CDC123: variants seen among roughly 807,000 people sequenced by gnomAD.
CDC123 encodes cell division cycle 123, also known as translation initiation factor eIF2 assembly protein.
In CDC123, 37 loss-of-function variants were observed where a neutral mutation model predicts 54.4. The observed-to-expected ratio is 0.68, with a 90% confidence interval of 0.52 to 0.89. The LOEUF (loss-of-function observed/expected upper bound fraction) is 0.89. Among genes scored for constraint, CDC123 ranks in the 40% least tolerant of loss-of-function variants. The pLI is 0.00. For missense variants in CDC123, 361 were observed against 412.1 expected, an observed-to-expected ratio of 0.88 and a Z score of 1.07; for synonymous variants, 144 against 136.8, an observed-to-expected ratio of 1.05 and a Z score of -0.37.
intron 6 of CDC123, among the ~76,000 whole-genome samples, chr10:12,220,530 G>T (rs1252579203): frequency 6.6e-6 from 1 of 152,246 alleles, no homozygotes; most frequent in Non-Finnish European, 1.5e-5. Context: ...TTAGCTGGGC[G>T]CTACTAACGT....
At chr10:12,225,563 A>G (rs1450778102) in intron 6 of CDC123, among the ~76,000 whole-genome samples, 1 of 152,094 alleles carries the variant, frequency 6.6e-6, no homozygotes, top group Non-Finnish European at 1.5e-5. Flanking sequence ...TTCAGCGTGC[A>G]GTAAGTAGTT....
intron 2 of CDC123, among the ~76,000 whole-genome samples, chr10:12,204,141 G>A (rs1835482582): frequency 6.6e-6 from 1 of 151,320 alleles, no homozygotes; most frequent in Non-Finnish European, 1.5e-5. Flanking sequence ...TAATGTATTT[G>A]GGGTTTAATT....
At chr10:12,230,917 G>A (rs1385882874) in intron 6 of CDC123, 31 bp from the exon 7 acceptor site, 1 of 1,606,386 alleles carries the variant, frequency 6.2e-7, no homozygotes, top group Admixed American at 1.7e-5. Context: ...GTAACAAAAA[G>A]ATTCAGTTGC....
Position 12,231,574 on chromosome 10 carries a change from G to A in CDC123, c.489+578G>A, listed in dbSNP as rs188474187. Among the ~76,000 whole-genome samples the A allele has an allele frequency of 9.7e-5, 14 of 144,034 alleles. No individual in the cohort carries two copies. The East Asian group carries it at 1.9e-3, about 20-fold the overall frequency. The allele number at this position is 144,034 out of a possible 152,430, so 94.5% of individuals were successfully genotyped here. A position where few individuals can be genotyped will look rare whatever the true frequency, so the allele number is the denominator to read the frequency against. On this transcript the variant is annotated intron_variant, in intron 7 of 12. Coordinates refer to ENST00000281141, the MANE Select transcript of CDC123 (RefSeq NM_006023.3). The stretch of plus-strand genomic sequence containing the variant: ...CGGGAGGTGGAGGTTGCAGTGAGCT[G>A]AGATGGCGCCATTGCACTCCAGCCT...
chr10:12,230,299 T>C (rs1392107162), intron 6 of CDC123, among the ~76,000 whole-genome samples: 1 of 152,030 alleles, frequency 6.6e-6, no homozygotes, highest in African/African-American at 2.4e-5. Flanking sequence ...TTTAGGTGAT[T>C]CCCCTGCCTC....
At chr10:12,209,333 C>G (rs1385840564) in intron 2 of CDC123, among the ~76,000 whole-genome samples, 1 of 152,126 alleles carries the variant, frequency 6.6e-6, no homozygotes. Context: ...AACTCTTGGG[C>G]TCAAGGGATC....
intron 2 of CDC123, among the ~76,000 whole-genome samples, chr10:12,204,684 ATTG>A (rs879924473): frequency 1.3e-5 from 2 of 152,008 alleles, no homozygotes; most frequent in African/African-American, 2.4e-5. Flanking sequence ...TAGTCACTCT[ATTG>A]TTCTGTCAAG....
At chr10:12,204,992 CAAAAAAAAA>C (rs35683792) in intron 2 of CDC123, among the ~76,000 whole-genome samples, 1 of 64,480 alleles carries the variant, frequency 1.6e-5, no homozygotes, top group Non-Finnish European at 3.3e-5. Flanking sequence ...GACTCCATAT[CAAAAAAAAA>C]AAAAAAAAAA....
In CDC123 at chr10:12,225,612, C is replaced by T. The variant is rs1421000525; in HGVS notation, c.441-5336C>T. ...GACAGGGAAGAAAAAGCGGGCCTGACAAGTTGTCTACAGATTTGATTGCAT... is the reference window on the plus strand; with the variant it reads ...GACAGGGAAGAAAAAGCGGGCCTGATAAGTTGTCTACAGATTTGATTGCAT... On this transcript the variant is annotated intron_variant, in intron 6 of 12. Transcript: ENST00000281141. Among the ~76,000 whole-genome samples, 3 of 152,058 alleles carry T rather than the reference C, an allele frequency of 2.0e-5. No individual in the cohort carries two copies. The East Asian group carries it at 5.8e-4, about 29-fold the overall frequency.
chr10:12,204,284 G>A (rs1021522595), intron 2 of CDC123, among the ~76,000 whole-genome samples: 2 of 152,120 alleles, frequency 1.3e-5, no homozygotes, highest in African/African-American at 4.8e-5. Flanking sequence ...TCTTGGTCAC[G>A]AGTTCTTTCC....
At chr10:12,233,635 A>T (rs1284449788) in intron 7 of CDC123, among the ~76,000 whole-genome samples, 1 of 152,092 alleles carries the variant, frequency 6.6e-6, no homozygotes, top group Non-Finnish European at 1.5e-5. Context: ...ATATGCCTGT[A>T]TGGGCTTTTA....
intron 2 of CDC123, among the ~76,000 whole-genome samples, chr10:12,203,206 G>C (rs372694707): frequency 6.6e-6 from 1 of 152,178 alleles, no homozygotes; most frequent in African/African-American, 2.4e-5. Context: ...TGGCTGTGGA[G>C]GTCTGCCATG....
chr10:12,222,796 C>T (rs1460823550), intron 6 of CDC123, among the ~76,000 whole-genome samples: 3 of 152,090 alleles, frequency 2.0e-5, no homozygotes, highest in African/African-American at 7.2e-5. Flanking sequence ...CTCTGTCACC[C>T]AGGCTGAAAT....
At chr10:12,213,128 T>G (rs1835624290) in intron 4 of CDC123, among the ~76,000 whole-genome samples, 1 of 152,236 alleles carries the variant, frequency 6.6e-6, no homozygotes, top group Non-Finnish European at 1.5e-5. Flanking sequence ...ATGCTAAAAT[T>G]AGTGGGTGAA....
At chr10:12,208,013 C>A (rs1009157185) in intron 2 of CDC123, among the ~76,000 whole-genome samples, 1 of 152,112 alleles carries the variant, frequency 6.6e-6, no homozygotes, top group Admixed American at 6.5e-5. Context: ...TTGGCTTATT[C>A]CTCCCCTTGA....
Position 12,209,959 on chromosome 10 carries a change from T to G in CDC123, c.147-8T>G. 6.2e-7 allele frequency: 1 copy of G among 1,614,116 alleles called. No homozygotes were observed. Among genetic ancestry groups the G allele is most frequent in the Non-Finnish European group, 8.5e-7 (1 of 1,179,972 alleles). Reference sequence around the variant, plus strand: ...TTTCTTTCTTGATGTTTGTTTGTGTTTTTTTAGGGATGATCCACCAACACA... The same window carrying G: ...TTTCTTTCTTGATGTTTGTTTGTGTGTTTTTAGGGATGATCCACCAACACA... On this transcript the variant is annotated splice_polypyrimidine_tract_variant and splice_region_variant and intron_variant, in intron 2 of 12. Coordinates refer to ENST00000281141, the MANE Select transcript of CDC123 (RefSeq NM_006023.3).
In CDC123 at chr10:12,246,201, T is replaced by C; in HGVS notation, c.770T>C (p.Leu257Pro). 1 of 1,614,012 alleles carries C rather than the reference T, an allele frequency of 6.2e-7. No homozygotes were observed. The highest frequency in any genetic ancestry group is 8.5e-7 in the Non-Finnish European group (1 of 1,179,822). Residue 257 changes from leucine (L) to proline (P), a missense_variant, in exon 11 of 13, where the codon CTG becomes CCG. By Grantham distance (98) the Leu-to-Pro change is moderately conservative. Transcript: ENST00000281141. ...FNPFGEVTDSLLFTWEELISE... is the reference protein window; with the variant it reads ...FNPFGEVTDSPLFTWEELISE... ...CCATTTGGTGAAGTCACAGATTCAC[T>C]GCTGTTCACCTGGGAAGAACTGATA...
intron 10 of CDC123, among the ~76,000 whole-genome samples, chr10:12,240,754 AGCTACTCCCG>A (rs1336639077): frequency 1.7e-5 from 2 of 116,606 alleles, no homozygotes; most frequent in Non-Finnish European, 4.2e-5. Context: ...CTGTAGCCCC[AGCTACTCCCG>A]GGAGCTGAGT....
chr10:12,206,704 A>G (rs897688162), intron 2 of CDC123, among the ~76,000 whole-genome samples: 7 of 152,264 alleles, frequency 4.6e-5, no homozygotes, highest in South Asian at 4.1e-4. Flanking sequence ...TATGCCTGTA[A>G]TCCCAGTGCT....
Sources: gnomAD v4.1 joint callset for allele counts (sites outside exome capture counted in the v4.1 genomes callset) on GRCh38, gnomAD v4.1.1 for gene constraint, MANE v1.5 for transcripts, NCBI Gene and HGNC (gene_info 2026-07-23, HGNC 2026-07-21) for gene names.